Variants in MTHFSD observed in about 807,000 individuals in gnomAD.
The protein encoded by MTHFSD is methenyltetrahydrofolate synthase domain-containing protein.
A neutral mutation model predicts 31.1 loss-of-function variants in MTHFSD; 37 were observed. That is an observed-to-expected ratio of 1.19 (90% CI 0.91 to 1.56). MTHFSD has a LOEUF of 1.56. Ranked by LOEUF, MTHFSD falls within the 40% of genes most tolerant of loss-of-function variation. The pLI is 0.00. For synonymous variants in MTHFSD, 221 were observed against 206.9 expected (o/e 1.07, Z -0.59); for missense variants, 664 against 510.1 (o/e 1.30, Z -2.91).
chr16:86,554,662 T>C lies in MTHFSD; in HGVS notation c.106A>G (p.Arg36Gly). ...GTCAGTACCTTAAAGTTGGGTATCC[T>C]GTGATGAACAGGTCGGGGAAAGTCA... is the stretch of plus-strand genomic sequence containing the variant. ...LADFPRPVHH[R>G]IPNFKGSYLA... Residue 36 changes from arginine to glycine, a missense_variant, in exon 2 of 8, where the codon AGG becomes GGG. Arg to Gly is a moderately radical substitution (Grantham distance 125). Coordinates refer to ENST00000360900, the MANE Select transcript of MTHFSD (RefSeq NM_001159377.2). 6.2e-7 allele frequency: 1 copy of C among 1,614,040 alleles called. No homozygotes were observed. Among genetic ancestry groups the C allele is most frequent in the Non-Finnish European group, 8.5e-7 (1 of 1,179,900 alleles).
chr16:86,550,447 G>A (rs1184869128), intron 3 of MTHFSD, among the ~76,000 whole-genome samples: 1 of 152,194 alleles, frequency 6.6e-6, no homozygotes, highest in Non-Finnish European at 1.5e-5. Flanking sequence ...TTTGCTCTGA[G>A]GGGCTGACAG....
Position 86,532,481 on chromosome 16 carries a change from T to A in MTHFSD, c.682A>T (p.Ile228Phe), listed in dbSNP as rs1353279012. 7.1e-7 allele frequency: 1 copy of A among 1,401,088 alleles called. No homozygotes were observed. The highest frequency in any genetic ancestry group is 1.5e-5 in the African/African-American group (1 of 67,732). 86.8% of individuals were successfully genotyped at this position (1,401,088 alleles called of 1,614,324 possible). The change falls in exon 8 of 8, where the codon ATC becomes TTC. Residue 228 changes from isoleucine to phenylalanine, a missense_variant and splice_region_variant. Physicochemically the swap from Ile to Phe is conservative, Grantham distance 21. Transcript: ENST00000360900. ...ATTTTCTCCATCATCTCCAGGCTGA[T>A]CTGAAAAGCAAAGCAGTTGCAGCTC... Reference protein sequence around the residue: ...PKPMGITWFKISLEMMEKIPI... With the variant: ...PKPMGITWFKFSLEMMEKIPI...
At chr16:86,532,591 G>T in intron 7 of MTHFSD, 110 bp from the exon 8 acceptor site, 2 of 881,606 alleles carry the variant, frequency 2.3e-6, no homozygotes, top group Non-Finnish European at 3.2e-6. Context: ...TGGACTGGAT[G>T]CCAAGTGGTC....
At chr16:86,534,543 C>T (rs1298127846) in intron 7 of MTHFSD, among the ~76,000 whole-genome samples, 2 of 152,218 alleles carry the variant, frequency 1.3e-5, no homozygotes, top group African/African-American at 4.8e-5. Flanking sequence ...CCTCTTTCTA[C>T]ACCTCTATTC....
At chr16:86,552,687 T>C (rs1323368710) in intron 2 of MTHFSD, among the ~76,000 whole-genome samples, 1 of 152,216 alleles carries the variant, frequency 6.6e-6, no homozygotes, top group African/African-American at 2.4e-5. Flanking sequence ...TTAAGATACA[T>C]TTCTCTCTCT....
At chr16:86,548,082 A>G (rs772949432) in intron 4 of MTHFSD, 107 of 1,291,506 alleles carry the variant, frequency 8.3e-5, no homozygotes, top group Admixed American at 2.1e-4. Flanking sequence ...TGGAAATTCT[A>G]TCCTGTCTCC....
At chr16:86,553,073 C>A (rs549388637) in intron 2 of MTHFSD, among the ~76,000 whole-genome samples, 44 of 152,268 alleles carry the variant, frequency 2.9e-4, no homozygotes, top group African/African-American at 9.9e-4. Flanking sequence ...GGCCCAGCAT[C>A]CTTAGGCTGG....
chr16:86,535,635 G>A (rs1970591441), intron 7 of MTHFSD: 1 of 439,104 alleles, frequency 2.3e-6, no homozygotes, highest in Non-Finnish European at 3.0e-6. Context: ...TTAAAAACCT[G>A]TCCCCTAGAC....
chr16:86,536,161 G>C (rs1470284963), intron 7 of MTHFSD, among the ~76,000 whole-genome samples: 1 of 152,232 alleles, frequency 6.6e-6, no homozygotes, highest in Non-Finnish European at 1.5e-5. Flanking sequence ...AAGATGAGCA[G>C]ACATCAGAAG....
intron 1 of MTHFSD, 124 bp from the exon 2 acceptor site, chr16:86,554,875 G>T: frequency 9.5e-7 from 1 of 1,057,386 alleles, no homozygotes; most frequent in Non-Finnish European, 1.3e-6. Context: ...CTGTTCCTGA[G>T]CCTCAGTTTC....
chr16:86,554,523 C>A (rs942063338), intron 2 of MTHFSD, 122 bp downstream of exon 2: 4 of 796,594 alleles, frequency 5.0e-6, no homozygotes, highest in Non-Finnish European at 8.4e-6. Context: ...TGATTTCACA[C>A]CACTGCTCAC....
intron 7 of MTHFSD, among the ~76,000 whole-genome samples, chr16:86,536,234 G>A (rs769359510): frequency 6.6e-6 from 1 of 152,182 alleles, no homozygotes; most frequent in African/African-American, 2.4e-5. Context: ...ACTAAATTTG[G>A]TTGTTCACTG....
In MTHFSD at chr16:86,542,047, G is replaced by A. The variant is rs560014222; in HGVS notation, c.555+54C>T. 19 of 1,524,106 alleles carry A rather than the reference G, an allele frequency of 1.2e-5. No homozygotes were observed. The South Asian group carries it at 1.3e-4, about 10-fold the overall frequency. The allele number at this position is 1,524,106 out of a possible 1,614,324, so 94.4% of individuals were successfully genotyped here. On this transcript the variant is annotated intron_variant, in intron 6 of 7. Transcript: ENST00000360900. The surrounding 1 kb of genome is among the most constrained non-coding windows in gnomAD (Gnocchi z 4.6). ...AGATGAGTCTCCTTCCCCACCCCCT[G>A]CTCCCTCAGAAGAGAATGGCAGTGG... is the stretch of plus-strand genomic sequence containing the variant.
chr16:86,545,930 G>A (rs1413712449), intron 5 of MTHFSD, among the ~76,000 whole-genome samples: 2 of 152,250 alleles, frequency 1.3e-5, no homozygotes, highest in Non-Finnish European at 2.9e-5. Context: ...ATCAGCTCCA[G>A]TGGTGGCTGG....
At chr16:86,553,857 A>G (rs1973587472) in intron 2 of MTHFSD, 1 of 152,384 alleles carries the variant, frequency 6.6e-6, no homozygotes, top group Non-Finnish European at 1.5e-5. Flanking sequence ...ATGTCTAGCT[A>G]AGGGATTGTA....
intron 7 of MTHFSD, 152 bp from the exon 8 acceptor site, chr16:86,532,633 C>T: frequency 6.0e-6 from 3 of 499,274 alleles, no homozygotes; most frequent in Non-Finnish European, 1.0e-5. Flanking sequence ...TCCCACTGTC[C>T]CACCCACTAT....
rs1045643065 is a variant in MTHFSD at position 86,542,987 on chromosome 16, C to G, written c.443-774G>C. On this transcript the variant is annotated intron_variant, in intron 5 of 7. Coordinates refer to ENST00000360900, the MANE Select transcript of MTHFSD (RefSeq NM_001159377.2). This position sits in a 1 kb window ranked among gnomAD's most constrained non-coding sequence, Gnocchi z 4.6. ...CCAGCAGCATCACCCGCAGAGCACC[C>G]GCATCACTGCTGCCGTGTCTAAGAC... Among the ~76,000 whole-genome samples, 1 of 152,182 alleles carries G rather than the reference C, an allele frequency of 6.6e-6. No individual in the cohort carries two copies. Among genetic ancestry groups the G allele is most frequent in the Non-Finnish European group, 1.5e-5 (1 of 68,040 alleles).
In MTHFSD at chr16:86,531,276, T is replaced by C. The variant is rs1004551626; in HGVS notation, c.*735A>G. The C allele has an allele frequency of 1.3e-5, 2 of 152,194 alleles. No homozygotes were observed. The highest frequency in any genetic ancestry group is 4.8e-5 in the African/African-American group (2 of 41,448). 9.4% of individuals were successfully genotyped at this position (152,194 alleles called of 1,614,324 possible). On this transcript the variant is annotated 3_prime_UTR_variant, in exon 8 of 8. Coordinates refer to ENST00000360900, the MANE Select transcript of MTHFSD (RefSeq NM_001159377.2). This position sits in a 1 kb window ranked among gnomAD's most constrained non-coding sequence, Gnocchi z 5.5. ...AAAAAACCCAGAAAACATAAGGCACTGGGCAAATGTGACGTAGGCTGGGAT... is the reference window on the plus strand; with the variant it reads ...AAAAAACCCAGAAAACATAAGGCACCGGGCAAATGTGACGTAGGCTGGGAT...
chr16:86,545,016 T>G (rs1208325430), intron 5 of MTHFSD, among the ~76,000 whole-genome samples: 1 of 152,108 alleles, frequency 6.6e-6, no homozygotes, highest in Non-Finnish European at 1.5e-5. Flanking sequence ...TGAGAACATA[T>G]GGACACAGGG....
Sources: gnomAD v4.1 joint callset for allele counts (sites outside exome capture counted in the v4.1 genomes callset) on GRCh38, gnomAD v4.1.1 for gene constraint, Gnocchi (gnomAD v3.1) non-coding constraint, MANE v1.5 for transcripts, NCBI Gene and HGNC (gene_info 2026-07-23, HGNC 2026-07-21) for gene names.